The following MMEL1 variants were observed in gnomAD, a reference collection of about 807,000 sequenced individuals.
MMEL1 encodes membrane metallo-endopeptidase-like 1.
A neutral mutation model predicts 117.1 loss-of-function variants in MMEL1; 98 were observed. The observed-to-expected ratio is 0.84, with a 90% CI of 0.71 to 0.99. MMEL1 has a LOEUF of 0.99. Ranked by LOEUF, MMEL1 falls within the 50% of genes least tolerant of loss-of-function variation. The probability of loss-of-function intolerance (pLI) is 0.00; values close to 1 mark genes in which losing one functional copy is unlikely to be tolerated. For synonymous variants in MMEL1, 390 were observed against 415.1 expected (o/e 0.94, Z 0.74); for missense variants, 1,014 against 1,049.1 (o/e 0.97, Z 0.46).
chr1:2,622,568 T>C (rs1368451477), intron 2 of MMEL1, among the ~76,000 whole-genome samples: 2 of 152,142 alleles, frequency 1.3e-5, no homozygotes, highest in African/African-American at 4.8e-5. Context: ...TGCTGATCTG[T>C]GGTAGGTAAA....
chr1:2,608,502 A>G (rs952054974), intron 6 of MMEL1, among the ~76,000 whole-genome samples: 1 of 125,050 alleles, frequency 8.0e-6, no homozygotes, highest in Non-Finnish European at 1.6e-5. Flanking sequence ...TAACATGTAT[A>G]CACACATAAC....
At chr1:2,601,563 G>A (rs1644932136) in intron 11 of MMEL1, among the ~76,000 whole-genome samples, 1 of 152,176 alleles carries the variant, frequency 6.6e-6, no homozygotes, top group Non-Finnish European at 1.5e-5. Context: ...CATTTGCTAA[G>A]CCAATAAATT....
chr1:2,626,748 CAAAAA>C (rs546279269), intron 2 of MMEL1, among the ~76,000 whole-genome samples: 15 of 151,688 alleles, frequency 9.9e-5, no homozygotes, highest in Non-Finnish European at 1.5e-5. Flanking sequence ...ATAATTAAAA[CAAAAA>C]AATCTAAGAT....
intron 2 of MMEL1, among the ~76,000 whole-genome samples, chr1:2,628,470 C>A (rs1264933394): frequency 1.3e-5 from 2 of 152,226 alleles, no homozygotes. Context: ...CCGCCATGAG[C>A]TCTGAGTCCG....
chr1:2,592,116 C>A, intron 21 of MMEL1, 89 bp from the exon 22 acceptor site: 2 of 1,087,810 alleles, frequency 1.8e-6, no homozygotes, highest in East Asian at 2.5e-5. Flanking sequence ...GGTCTGGCTC[C>A]AGGACCTACC....
intron 2 of MMEL1, among the ~76,000 whole-genome samples, chr1:2,622,626 T>G (rs1645307107): frequency 6.6e-6 from 1 of 152,188 alleles, no homozygotes; most frequent in African/African-American, 2.4e-5. Flanking sequence ...GGCTCACATC[T>G]GCAATCTCAG....
At chr1:2,591,477 G>A (rs2100921794) in intron 23 of MMEL1, 80 bp downstream of exon 23, 1 of 1,185,856 alleles carries the variant, frequency 8.4e-7, no homozygotes, top group East Asian at 2.3e-5. Context: ...CACTTTTTGT[G>A]CTTTCTTCTT....
At chr1:2,594,732 G>A (rs542251183) in intron 17 of MMEL1, 58 bp downstream of exon 17, 64 of 1,453,672 alleles carry the variant, frequency 4.4e-5, no homozygotes, top group Middle Eastern at 1.9e-4. Context: ...AGCCCTGCAC[G>A]CCTTACTGGC....
At chr1:2,608,583 C>CAT (rs916166855) in intron 6 of MMEL1, among the ~76,000 whole-genome samples, 13 of 151,838 alleles carry the variant, frequency 8.6e-5, no homozygotes, top group Non-Finnish European at 1.5e-4. Context: ...ACACACAGCA[C>CAT]ATATATATAC....
chr1:2,604,373 G>A lies in MMEL1; in HGVS notation c.817-92C>T, dbSNP rs148842118. 1.5e-3 allele frequency: 2,335 copies of A among 1,543,624 alleles called. 4 individuals carry two copies. The highest frequency in any genetic ancestry group is 1.9e-3 in the Non-Finnish European group (2,216 of 1,138,528). Reference sequence around the variant, plus strand: ...TGGGGGTGGGGTGGGCGTAGGACATGGGGAAGCCCCTAATGCGTGTCCACC... The same window carrying A: ...TGGGGGTGGGGTGGGCGTAGGACATAGGGAAGCCCCTAATGCGTGTCCACC... On this transcript the variant is annotated intron_variant, in intron 9 of 23. Coordinates refer to ENST00000378412, the MANE Select transcript of MMEL1 (RefSeq NM_033467.4).
chr1:2,602,985 C>T (rs1644958486), intron 11 of MMEL1, among the ~76,000 whole-genome samples: 1 of 152,228 alleles, frequency 6.6e-6, no homozygotes. Context: ...GGGGATAAAG[C>T]CCAGTGCCAG....
At chr1:2,623,690 C>T (rs72646016) in intron 2 of MMEL1, among the ~76,000 whole-genome samples, 16,015 of 152,238 alleles carry the variant, frequency 0.11, 1,164 homozygotes, top group Non-Finnish European at 0.15. Flanking sequence ...GTTCTGTCCA[C>T]GGCCTTTCCC....
Position 2,603,926 on chromosome 1 carries a change from G to C in MMEL1, c.999C>G (p.His333Gln). 1 of 1,613,932 alleles carries C rather than the reference G, an allele frequency of 6.2e-7. No individual in the cohort carries two copies. Among genetic ancestry groups the C allele is most frequent in the Non-Finnish European group, 8.5e-7 (1 of 1,180,010 alleles). The change falls in exon 11 of 24, where the codon CAC becomes CAG. Residue 333 changes from histidine (H) to glutamine (Q), a missense_variant. Coordinates refer to ENST00000378412, the MANE Select transcript of MMEL1 (RefSeq NM_033467.4). ...EERHDVIALY[H>Q]RMGLEELQSQ... ...TTTGCAGCTCCTCCAGTCCCATCCG[G>C]TGGTACAAGGCGATGACGTCGTGTC...
In MMEL1 at chr1:2,596,063, C is replaced by A. The variant is rs774008036; in HGVS notation, c.1446G>T (p.Thr482=). The change falls in exon 15 of 24, where the codon ACG becomes ACT. Residue 482 remains threonine, a synonymous_variant. Transcript: ENST00000378412. ...IDKVRTVFVE[T]LDELGWMDEE... ...CGTCCATCCAGCCCAGCTCGTCCAG[C>A]GTCTCCACAAACACTGTCCGCACCT... is the stretch of plus-strand genomic sequence containing the variant. The A allele has an allele frequency of 1.9e-6, 3 of 1,614,030 alleles. No homozygotes were observed. Among genetic ancestry groups the A allele is most frequent in the East Asian group, 2.2e-5 (1 of 44,854 alleles).
chr1:2,621,533 C>T (rs1254439615), intron 2 of MMEL1, among the ~76,000 whole-genome samples: 1 of 151,924 alleles, frequency 6.6e-6, no homozygotes, highest in East Asian at 1.9e-4. Flanking sequence ...GAAGCCCCTA[C>T]TTGGAGTTGT....
intron 2 of MMEL1, among the ~76,000 whole-genome samples, chr1:2,626,768 G>A (rs1372455621): frequency 1.3e-5 from 2 of 152,146 alleles, no homozygotes; most frequent in Non-Finnish European, 2.9e-5. Flanking sequence ...TAAGATAACT[G>A]TCGAAAAGAT....
At chr1:2,604,125 C>A in intron 10 of MMEL1, 22 bp downstream of exon 10, 1 of 1,385,256 alleles carries the variant, frequency 7.2e-7, no homozygotes, top group Non-Finnish European at 1.0e-6. Flanking sequence ...TGCCCGCTCC[C>A]CACCCGCCCC....
intron 2 of MMEL1, among the ~76,000 whole-genome samples, chr1:2,620,396 G>T (rs1412244530): frequency 6.6e-6 from 1 of 152,198 alleles, no homozygotes; most frequent in African/African-American, 2.4e-5. Context: ...AGAGTTTAAT[G>T]CTGATAGATT....
At chr1:2,594,665 G>A in intron 17 of MMEL1, 125 bp downstream of exon 17, 1 of 923,386 alleles carries the variant, frequency 1.1e-6, no homozygotes, top group South Asian at 1.5e-5. Flanking sequence ...CCCAGTGACT[G>A]CACCCCTCAG....
Sources: gnomAD v4.1 joint callset for allele counts (sites outside exome capture counted in the v4.1 genomes callset) on GRCh38, gnomAD v4.1.1 for gene constraint, MANE v1.5 for transcripts, NCBI Gene and HGNC (gene_info 2026-07-23, HGNC 2026-07-21) for gene names.